Variants in C8orf34 observed in about 807,000 individuals in gnomAD.
C8orf34 encodes the protein uncharacterized protein C8orf34.
In C8orf34, 65 loss-of-function variants were observed where a neutral mutation model predicts 68.3. That is an observed-to-expected ratio of 0.95 (90% confidence interval 0.78 to 1.17). The LOEUF (loss-of-function observed/expected upper bound fraction) is 1.17, where lower values mean the gene tolerates loss of function less well. C8orf34 is among the 50% of genes most tolerant of loss of function. The pLI is 0.00. For synonymous variants in C8orf34, 244 were observed against 241.2 expected (o/e 1.01, Z -0.11); for missense variants, 664 against 655.4 (o/e 1.01, Z -0.14).
chr8:68,514,660 G>A (rs1292010251), intron 5 of C8orf34, among the ~76,000 whole-genome samples: 1 of 152,158 alleles, frequency 6.6e-6, no homozygotes, highest in Non-Finnish European at 1.5e-5. Flanking sequence ...AAATAGCAGT[G>A]CAAAAATTAT....
intron 1 of C8orf34, among the ~76,000 whole-genome samples, chr8:68,423,029 G>A (rs1810050267): frequency 6.6e-6 from 1 of 152,170 alleles, no homozygotes; most frequent in African/African-American, 2.4e-5. Flanking sequence ...CCTGAGCCTG[G>A]CCAAGGAAAA....
chr8:68,587,557 A>T (rs1817244636), intron 7 of C8orf34, among the ~76,000 whole-genome samples: 1 of 152,144 alleles, frequency 6.6e-6, no homozygotes, highest in African/African-American at 2.4e-5. Context: ...GATAGGAAAG[A>T]TAGATAAGCA....
At chr8:68,409,664 A>G (rs1287414068) in intron 1 of C8orf34, among the ~76,000 whole-genome samples, 1 of 152,010 alleles carries the variant, frequency 6.6e-6, no homozygotes, top group South Asian at 2.1e-4. Context: ...CTTTTTGTCA[A>G]TTTAGCATAG....
chr8:68,770,147 T>C (rs1446387935), intron 10 of C8orf34, among the ~76,000 whole-genome samples: 2 of 152,198 alleles, frequency 1.3e-5, no homozygotes, highest in African/African-American at 4.8e-5. Flanking sequence ...TACTTTCCAG[T>C]TGCCAAAATC....
chr8:68,377,724 T>C (rs1807863532), intron 1 of C8orf34, among the ~76,000 whole-genome samples: 1 of 152,166 alleles, frequency 6.6e-6, no homozygotes, highest in Non-Finnish European at 1.5e-5. Flanking sequence ...TATGTGTGAG[T>C]ATGCTAAAGC....
At chr8:68,791,976 C>T (rs140924817) in intron 12 of C8orf34, 18 of 152,306 alleles carry the variant, frequency 1.2e-4, no homozygotes, top group African/African-American at 4.3e-4. Flanking sequence ...TTTGGTTATT[C>T]GGTTCAAACT....
chr8:68,420,003 CA>C (rs530575651), intron 1 of C8orf34, among the ~76,000 whole-genome samples: 1,467 of 133,384 alleles, frequency 0.011, 29 homozygotes, highest in African/African-American at 0.035. Flanking sequence ...AGAAAAAAGA[CA>C]AAAAAAAAAG....
intron 8 of C8orf34, among the ~76,000 whole-genome samples, chr8:68,696,740 A>G (rs1469289537): frequency 2.6e-5 from 4 of 152,096 alleles, no homozygotes; most frequent in Non-Finnish European, 5.9e-5. Context: ...TTTTCTCAAA[A>G]TGTTCTTAGC....
intron 10 of C8orf34, among the ~76,000 whole-genome samples, chr8:68,757,872 A>C (rs1822910893): frequency 6.6e-6 from 1 of 152,208 alleles, no homozygotes; most frequent in African/African-American, 2.4e-5. Context: ...CTCTGAGCTT[A>C]CTATTTTTAC....
chr8:68,467,827 A>G (rs919298839), intron 3 of C8orf34, among the ~76,000 whole-genome samples: 1 of 152,016 alleles, frequency 6.6e-6, no homozygotes, highest in Non-Finnish European at 1.5e-5. Context: ...TCTTAGGCCA[A>G]GTGTTGCCTT....
At chr8:68,604,337 A>G (rs1482438230) in intron 7 of C8orf34, among the ~76,000 whole-genome samples, 1 of 152,100 alleles carries the variant, frequency 6.6e-6, no homozygotes, top group Admixed American at 6.6e-5. Context: ...AATTTTAATA[A>G]CATTTTAAAA....
At chr8:68,561,267 G>A (rs1816416752) in intron 7 of C8orf34, among the ~76,000 whole-genome samples, 1 of 151,956 alleles carries the variant, frequency 6.6e-6, no homozygotes. Flanking sequence ...ACAGGCATGA[G>A]CCACCACACC....
intron 7 of C8orf34, among the ~76,000 whole-genome samples, chr8:68,600,318 GCAC>G (rs1817663548): frequency 6.6e-6 from 1 of 152,184 alleles, no homozygotes; most frequent in Non-Finnish European, 1.5e-5. Context: ...GCGGCACTGA[GCAC>G]CACATCAGAT....
intron 7 of C8orf34, among the ~76,000 whole-genome samples, chr8:68,580,610 T>C (rs1817035527): frequency 6.6e-6 from 1 of 152,138 alleles, no homozygotes; most frequent in Non-Finnish European, 1.5e-5. Context: ...TGTTAAGTGG[T>C]AGAAAATTCT....
In C8orf34 at chr8:68,442,548, G is replaced by A. The variant is rs1163951784; in HGVS notation, c.475+2902G>A. Reference sequence around the variant, plus strand: ...GATCAAGCTGTCTGAGAAGCAGAGAGCAAGTGGATGGAGAGGTTCAGACAG... The same window carrying A: ...GATCAAGCTGTCTGAGAAGCAGAGAACAAGTGGATGGAGAGGTTCAGACAG... On this transcript the variant is annotated intron_variant, in intron 2 of 13. Transcript: ENST00000518698. Among the ~76,000 whole-genome samples the A allele has an allele frequency of 2.0e-5, 3 of 152,070 alleles. No individual in the cohort carries two copies. In the East Asian group the frequency reaches 5.8e-4, roughly 29 times the overall value.
intron 7 of C8orf34, among the ~76,000 whole-genome samples, chr8:68,610,442 T>A (rs760322709): frequency 4.6e-5 from 7 of 152,172 alleles, no homozygotes; most frequent in Non-Finnish European, 1.0e-4. Context: ...TAGGGGATAA[T>A]CGAATGCATG....
chr8:68,640,228 A>G (rs1818963773), intron 7 of C8orf34, 148 bp from the exon 8 acceptor site: 1 of 667,442 alleles, frequency 1.5e-6, no homozygotes, highest in Non-Finnish European at 2.5e-6. Flanking sequence ...AATTTGAAAA[A>G]TAATTGATAT....
At chr8:68,742,048 T>C (rs1191409494) in intron 10 of C8orf34, among the ~76,000 whole-genome samples, 1 of 152,180 alleles carries the variant, frequency 6.6e-6, no homozygotes, top group Non-Finnish European at 1.5e-5. Flanking sequence ...CCTGTAACCT[T>C]ATCATAACCT....
chr8:68,539,292 G>C (rs1279161207), intron 7 of C8orf34, among the ~76,000 whole-genome samples: 1 of 152,072 alleles, frequency 6.6e-6, no homozygotes, highest in Non-Finnish European at 1.5e-5. Context: ...TTTAAATTTT[G>C]TACTCTATTT....
Sources: gnomAD v4.1 joint callset for allele counts (sites outside exome capture counted in the v4.1 genomes callset) on GRCh38, gnomAD v4.1.1 for gene constraint, MANE v1.5 for transcripts, NCBI Gene and HGNC (gene_info 2026-07-23, HGNC 2026-07-21) for gene names.